LRP1B: variants seen among roughly 807,000 people sequenced by gnomAD.
LRP1B encodes low-density lipoprotein receptor-related protein 1B.
Under a neutral mutation model 556.6 loss-of-function variants are expected in LRP1B, and 217 were observed. The observed-to-expected ratio is 0.39, with a 90% CI of 0.35 to 0.44. The LOEUF (loss-of-function observed/expected upper bound fraction) is 0.44. LRP1B is among the 20% of genes least tolerant of loss of function. The probability of loss-of-function intolerance (pLI) is 1.00; values close to 1 mark genes in which losing one functional copy is unlikely to be tolerated. For synonymous variants in LRP1B, 2,047 were observed against 1,865.8 expected (o/e 1.10, Z -2.50); for missense variants, 5,053 against 5,620.8 (o/e 0.90, Z 3.23).
intron 2 of LRP1B, among the ~76,000 whole-genome samples, chr2:141,725,496 T>C (rs1213277055): frequency 2.0e-5 from 3 of 151,930 alleles, no homozygotes; most frequent in Admixed American, 6.6e-5. Flanking sequence ...TAAAATGTAG[T>C]GACTTATTAA....
intron 2 of LRP1B, among the ~76,000 whole-genome samples, chr2:141,565,817 T>C (rs1308924173): frequency 6.6e-6 from 1 of 152,200 alleles, no homozygotes; most frequent in African/African-American, 2.4e-5. Flanking sequence ...ACTGTTGACT[T>C]TCATCTCACA....
intron 35 of LRP1B, among the ~76,000 whole-genome samples, chr2:140,718,065 T>C (rs1687272702): frequency 6.6e-6 from 1 of 152,108 alleles, no homozygotes; most frequent in Admixed American, 6.6e-5. Flanking sequence ...TTTGCATAAA[T>C]ATTAAGCATT....
chr2:141,763,625 G>C (rs1416356591), intron 2 of LRP1B, among the ~76,000 whole-genome samples: 2 of 152,042 alleles, frequency 1.3e-5, no homozygotes, highest in Non-Finnish European at 2.9e-5. Flanking sequence ...TTTCAGTATG[G>C]TGTACAATTT....
At chr2:141,204,617 A>G (rs1293384181) in intron 6 of LRP1B, among the ~76,000 whole-genome samples, 1 of 152,218 alleles carries the variant, frequency 6.6e-6, no homozygotes, top group Non-Finnish European at 1.5e-5. Context: ...ATGTACTCAT[A>G]TTGAAATTTA....
intron 2 of LRP1B, among the ~76,000 whole-genome samples, chr2:141,493,781 G>A (rs1683419888): frequency 6.6e-6 from 1 of 152,150 alleles, no homozygotes; most frequent in South Asian, 2.1e-4. Context: ...ATGAACACCA[G>A]TTAAACTGCA....
At chr2:141,681,395 CT>C (rs1190062917) in intron 2 of LRP1B, among the ~76,000 whole-genome samples, 2 of 151,856 alleles carry the variant, frequency 1.3e-5, no homozygotes, top group Non-Finnish European at 2.9e-5. Flanking sequence ...ATATGAGAAC[CT>C]GGCTAACACA....
intron 1 of LRP1B, among the ~76,000 whole-genome samples, chr2:142,082,233 C>CT (rs1422760709): frequency 6.6e-6 from 1 of 152,104 alleles, no homozygotes; most frequent in Non-Finnish European, 1.5e-5. Context: ...GCCTGAATTA[C>CT]TTCCCATATG....
At chr2:141,246,695 C>A (rs565897776) in intron 5 of LRP1B, among the ~76,000 whole-genome samples, 2 of 152,112 alleles carry the variant, frequency 1.3e-5, no homozygotes. Flanking sequence ...CTGGGCACTG[C>A]GGCTCATGCC....
chr2:140,517,068 A>G, intron 49 of LRP1B, 57 bp from the exon 50 acceptor site: 1 of 1,285,226 alleles, frequency 7.8e-7, no homozygotes, highest in Non-Finnish European at 1.1e-6. Context: ...AAATATAGGT[A>G]GATAAATCAT....
chr2:140,309,509 T>C (rs1684205321), intron 83 of LRP1B, among the ~76,000 whole-genome samples: 1 of 151,774 alleles, frequency 6.6e-6, no homozygotes. Flanking sequence ...AATCACTAAC[T>C]GTGACTCATG....
intron 67 of LRP1B, among the ~76,000 whole-genome samples, chr2:140,382,573 G>A (rs1361410291): frequency 6.6e-6 from 1 of 152,066 alleles, no homozygotes; most frequent in Non-Finnish European, 1.5e-5. Flanking sequence ...CTTAATGAGG[G>A]AAATGATAAG....
At chr2:142,024,793 C>G (rs1562706) in intron 1 of LRP1B, among the ~76,000 whole-genome samples, 58,346 of 151,724 alleles carry the variant, frequency 0.38, 13,438 homozygotes, top group Non-Finnish European at 0.5. Flanking sequence ...GACTACCTGT[C>G]ATTCTTCTTC....
chr2:141,185,138 T>C (rs1159524283), intron 7 of LRP1B, among the ~76,000 whole-genome samples: 1 of 152,118 alleles, frequency 6.6e-6, no homozygotes. Context: ...AGGTTCTTTA[T>C]GTATTTGACC....
chr2:140,773,212 C>A (rs537280060), intron 33 of LRP1B, among the ~76,000 whole-genome samples: 1 of 152,144 alleles, frequency 6.6e-6, no homozygotes, highest in Non-Finnish European at 1.5e-5. Context: ...CGCCTGTAAT[C>A]CCAACATTTT....
chr2:140,913,883 A>T lies in LRP1B; in HGVS notation c.3320-5806T>A, dbSNP rs184723238. ...AATTTTGAACATAACGCAGTTTTAC[A>T]TGCTGAATATTCAACCTTATTTGTT... On this transcript the variant is annotated intron_variant, in intron 21 of 90. Transcript: ENST00000389484. 3.3e-3 allele frequency among the ~76,000 whole-genome samples: 505 copies of T among 152,220 alleles called. 2 individuals are homozygous for T. Among genetic ancestry groups the T allele is most frequent in the African/African-American group, 0.01 (417 of 41,562 alleles).
intron 35 of LRP1B, among the ~76,000 whole-genome samples, chr2:140,722,687 G>C (rs931519638): frequency 6.6e-6 from 1 of 152,176 alleles, no homozygotes; most frequent in Non-Finnish European, 1.5e-5. Flanking sequence ...TCCCTTTACT[G>C]TTTAATAATA....
At chr2:141,740,910 C>A (rs559061763) in intron 2 of LRP1B, among the ~76,000 whole-genome samples, 51 of 152,262 alleles carry the variant, frequency 3.3e-4, no homozygotes, top group Admixed American at 1.6e-3. Context: ...CCCCCTACCC[C>A]CCAACCCACT....
chr2:141,228,735 A>G lies in LRP1B; in HGVS notation c.850+448T>C, dbSNP rs192188083. The stretch of plus-strand genomic sequence containing the variant: ...AAGTTTTTTGGAAGAGGATGTATAA[A>G]AATTAATTTCCTTTAAAGAGAGTTA... On this transcript the variant is annotated intron_variant, in intron 6 of 90. Coordinates refer to ENST00000389484, the MANE Select transcript of LRP1B (RefSeq NM_018557.3). Among the ~76,000 whole-genome samples, 427 of 152,240 alleles carry G rather than the reference A, an allele frequency of 2.8e-3. 2 individuals are homozygous for G. Among genetic ancestry groups the G allele is most frequent in the African/African-American group, 9.0e-3 (376 of 41,552 alleles).
chr2:141,738,302 A>G (rs1369833301), intron 2 of LRP1B, among the ~76,000 whole-genome samples: 1 of 152,144 alleles, frequency 6.6e-6, no homozygotes, highest in Non-Finnish European at 1.5e-5. Context: ...AAATACTTTC[A>G]ACTTTCACAA....
Sources: allele counts gnomAD v4.1 joint callset (sites outside exome capture counted in the v4.1 genomes callset), GRCh38; gene constraint gnomAD v4.1.1; transcripts MANE v1.5; gene names NCBI Gene and HGNC (gene_info 2026-07-23, HGNC 2026-07-21).